ZNF385D: variants seen among roughly 807,000 people sequenced by gnomAD.
The protein encoded by ZNF385D is zinc finger protein 659.
A neutral mutation model predicts 35.8 loss-of-function variants in ZNF385D; 15 were observed. That is an observed-to-expected ratio of 0.42 (90% CI 0.28 to 0.64). The LOEUF is 0.64. ZNF385D is among the 30% of genes least tolerant of loss of function. ZNF385D has a pLI of 0.23. For synonymous variants in ZNF385D, 212 were observed against 186.8 expected (o/e 1.13, Z -1.10); for missense variants, 474 against 494.6 (o/e 0.96, Z 0.39).
chr3:22,154,023 T>C (rs1705429507), intron 3 of ZNF385D, among the ~76,000 whole-genome samples: 1 of 152,160 alleles, frequency 6.6e-6, no homozygotes, highest in African/African-American at 2.4e-5. Flanking sequence ...TAGCTTACTT[T>C]CCATTTCATT....
rs79389238 is a variant in ZNF385D, at chr3:22,249,346, T to C, written c.107-80311A>G. On this transcript the variant is annotated intron_variant, in intron 2 of 5. Transcript: ENST00000494108. Reference sequence around the variant, plus strand: ...ATGTGTCTTGATCATAGTAGGCACTTAGTAACAGAAAATATTTTTGTTACA... The same window carrying C: ...ATGTGTCTTGATCATAGTAGGCACTCAGTAACAGAAAATATTTTTGTTACA... Among the ~76,000 whole-genome samples, 903 of 152,282 alleles carry C rather than the reference T, an allele frequency of 5.9e-3. 12 individuals are homozygous for C. The highest frequency in any genetic ancestry group is 0.02 in the African/African-American group (852 of 41,578).
intron 2 of ZNF385D, among the ~76,000 whole-genome samples, chr3:22,331,633 C>T (rs934896493): frequency 1.3e-5 from 2 of 152,042 alleles, no homozygotes; most frequent in Non-Finnish European, 2.9e-5. Context: ...AACTTTGGTA[C>T]AAGGAGTAAA....
rs11380195 is a variant in ZNF385D, at chr3:22,019,034, C to CTTTTTTTTTTTTTTTTTTTTT, written c.325+149762_325+149782dup. ...CAGTTTCATGGATAGAGTTATTTAC[C>CTTTTTTTTTTTTTTTTTTTTT]TTTTTTTTTTTTTTTTTTTTTTTTT... On this transcript the variant is annotated intron_variant, in intron 3 of 5. Transcript: ENST00000494108. Among the ~76,000 whole-genome samples, 33 of 64,468 alleles carry CTTTTTTTTTTTTTTTTTTTTT rather than the reference C, an allele frequency of 5.1e-4. 4 individuals carry two copies. Among genetic ancestry groups the CTTTTTTTTTTTTTTTTTTTTT allele is most frequent in the Non-Finnish European group, 7.0e-4 (25 of 35,780 alleles). The allele number at this position is 64,468 out of a possible 152,430, so 42.3% of individuals were successfully genotyped here.
intron 3 of ZNF385D, among the ~76,000 whole-genome samples, chr3:21,524,163 G>C (rs778754888): frequency 6.6e-6 from 1 of 152,180 alleles, no homozygotes; most frequent in Non-Finnish European, 1.5e-5. Context: ...GATACGTTGA[G>C]TTTAATGATC....
chr3:21,580,014 A>G (rs942507949), intron 2 of ZNF385D: 1 of 152,170 alleles, frequency 6.6e-6, no homozygotes, highest in Non-Finnish European at 1.5e-5. Context: ...CTTTCTTGGA[A>G]GGGCACAATT....
intron 3 of ZNF385D, among the ~76,000 whole-genome samples, chr3:21,859,870 CT>C (rs5847142): frequency 0.096 from 14,541 of 152,126 alleles, 809 homozygotes; most frequent in East Asian, 0.15. Flanking sequence ...AGGCTCAGAT[CT>C]TCCCGAAGAT....
intron 3 of ZNF385D, among the ~76,000 whole-genome samples, chr3:21,956,042 C>A (rs1017438555): frequency 1.3e-4 from 19 of 151,906 alleles, no homozygotes; most frequent in Non-Finnish European, 2.4e-4. Context: ...AAAAAATTAT[C>A]CACGTCTAGT....
At chr3:22,351,949 G>A (rs185596361) in intron 2 of ZNF385D, among the ~76,000 whole-genome samples, 16 of 152,242 alleles carry the variant, frequency 1.1e-4, no homozygotes, top group East Asian at 1.9e-4. Flanking sequence ...TCATCCTTAC[G>A]TGGGCTTTCT....
At chr3:22,283,063 G>A (rs970927585) in intron 2 of ZNF385D, among the ~76,000 whole-genome samples, 5 of 151,968 alleles carry the variant, frequency 3.3e-5, no homozygotes, top group Non-Finnish European at 5.9e-5. Context: ...AAATTTTAAG[G>A]TAACAGCAGT....
chr3:22,112,174 T>G (rs890140008), intron 3 of ZNF385D, among the ~76,000 whole-genome samples: 2 of 152,166 alleles, frequency 1.3e-5, no homozygotes, highest in African/African-American at 2.4e-5. Flanking sequence ...GTTAAGACTA[T>G]TGTTTAGCAG....
chr3:22,136,897 C>T (rs890232649), intron 3 of ZNF385D, among the ~76,000 whole-genome samples: 3 of 152,022 alleles, frequency 2.0e-5, no homozygotes, highest in South Asian at 2.1e-4. Flanking sequence ...ACTATGAAAT[C>T]GGTAAAAAGA....
At chr3:22,179,468 G>A (rs948375266) in intron 2 of ZNF385D, among the ~76,000 whole-genome samples, 38 of 152,260 alleles carry the variant, frequency 2.5e-4, no homozygotes, top group East Asian at 1.2e-3. Context: ...GTTGCTTATC[G>A]GCTTAAGGAG....
At chr3:21,744,867 A>AT (rs1223831242) in intron 1 of ZNF385D, among the ~76,000 whole-genome samples, 1 of 152,002 alleles carries the variant, frequency 6.6e-6, no homozygotes, top group East Asian at 1.9e-4. Context: ...AAAAAAAATA[A>AT]TAATAAAAAA....
chr3:22,151,037 ATCT>A (rs1206172054), intron 3 of ZNF385D, among the ~76,000 whole-genome samples: 2 of 152,126 alleles, frequency 1.3e-5, no homozygotes, highest in South Asian at 2.1e-4. Flanking sequence ...ATAAAATAAA[ATCT>A]TCTTTTTTAG....
At chr3:21,798,041 G>A (rs528518575) in intron 3 of ZNF385D, among the ~76,000 whole-genome samples, 1 of 152,302 alleles carries the variant, frequency 6.6e-6, no homozygotes, top group South Asian at 2.1e-4. Flanking sequence ...TGGCAACAAT[G>A]ATGTGTCAAT....
At position 21,981,926 on chromosome 3, in the gene ZNF385D, C is replaced by T. The variant is rs557226448; in HGVS notation, c.325+186891G>A. Reference sequence around the variant, plus strand: ...TATCCTTTTCCATTGGTTTACATGCCTGTTTTTGTACTAGTACCATGCTGT... The same window carrying T: ...TATCCTTTTCCATTGGTTTACATGCTTGTTTTTGTACTAGTACCATGCTGT... On this transcript the variant is annotated intron_variant, in intron 3 of 5. Transcript: ENST00000494108. 1.6e-4 allele frequency among the ~76,000 whole-genome samples: 24 copies of T among 152,146 alleles called. No homozygotes were observed. In the East Asian group the frequency reaches 4.6e-3, roughly 29 times the overall value.
chr3:21,913,228 C>A (rs11718697), intron 3 of ZNF385D, among the ~76,000 whole-genome samples: 1 of 152,084 alleles, frequency 6.6e-6, no homozygotes, highest in African/African-American at 2.4e-5. Flanking sequence ...AGAGAAGGAA[C>A]AGTGTCACCA....
intron 2 of ZNF385D, among the ~76,000 whole-genome samples, chr3:21,621,945 T>C (rs1016805407): frequency 1.3e-5 from 2 of 152,040 alleles, no homozygotes; most frequent in African/African-American, 4.8e-5. Context: ...CAAGAGGAAA[T>C]GTATTACTCT....
chr3:22,242,521 G>GA lies in ZNF385D; in HGVS notation c.107-73487dup, dbSNP rs200661805. 2.3e-3 allele frequency among the ~76,000 whole-genome samples: 338 copies of GA among 148,290 alleles called. 7 individuals are homozygous for GA. Among genetic ancestry groups the GA allele is most frequent in the Non-Finnish European group, 2.7e-4 (18 of 67,436 alleles). On this transcript the variant is annotated intron_variant, in intron 2 of 5. Coordinates refer to the ZNF385D transcript ENST00000494108. ...ATCAATAATTCCAATCTAATTATGA[G>GA]AAAAAAAAACTCAAAACAACGGATA...
Sources: allele counts gnomAD v4.1 joint callset (sites outside exome capture counted in the v4.1 genomes callset), GRCh38; gene constraint gnomAD v4.1.1; transcripts MANE v1.5; gene names NCBI Gene and HGNC (gene_info 2026-07-23, HGNC 2026-07-21).